Variants in MCF2L observed in about 807,000 individuals in gnomAD.
MCF2L encodes guanine nucleotide exchange factor DBS.
In MCF2L, 97 loss-of-function variants were observed where a neutral mutation model predicts 153.4. That is an observed-to-expected ratio of 0.63 (90% CI 0.54 to 0.75). The LOEUF is 0.75. Among genes scored for constraint, MCF2L ranks in the 30% least tolerant of loss-of-function variants. MCF2L has a pLI of 0.00. For missense variants in MCF2L, 1,347 were observed against 1,495.2 expected (o/e 0.90, Z 1.64); for synonymous variants, 659 against 632.2 (o/e 1.04, Z -0.64).
chr13:113,096,705 G>T lies in MCF2L; in HGVS notation c.3292+52G>T. 1.9e-6 allele frequency: 3 copies of T among 1,554,666 alleles called. No homozygotes were observed. In the South Asian group the frequency reaches 3.5e-5, roughly 18 times the overall value. ...CCGTGACGCTGCCAAGGGCCCGGGCGAGGAAGCTGCCCCGTGTGTGCCCGG... is the reference window on the plus strand; with the variant it reads ...CCGTGACGCTGCCAAGGGCCCGGGCTAGGAAGCTGCCCCGTGTGTGCCCGG... On this transcript the variant is annotated intron_variant, in intron 29 of 29. Coordinates refer to ENST00000535094, the MANE Select transcript of MCF2L (RefSeq NM_001112732.3).
chr13:113,085,973 C>G, intron 20 of MCF2L, 151 bp from the exon 21 acceptor site: 1 of 773,300 alleles, frequency 1.3e-6, no homozygotes, highest in Non-Finnish European at 1.9e-6. Flanking sequence ...TCAGTCTGTC[C>G]CAGCTGCAGG....
chr13:113,007,465 G>A (rs1359428078), intron 1 of MCF2L, among the ~76,000 whole-genome samples: 1 of 152,172 alleles, frequency 6.6e-6, no homozygotes, highest in Non-Finnish European at 1.5e-5. Flanking sequence ...AGTGGGCCGT[G>A]GCCACCGTGA....
intron 3 of MCF2L, chr13:113,040,874 G>A (rs919083790): frequency 6.6e-6 from 1 of 152,234 alleles, no homozygotes; most frequent in South Asian, 2.1e-4. Context: ...CTGCCCACAT[G>A]GGTGGGGGAC....
At chr13:113,001,902 C>T (rs7986677) in intron 1 of MCF2L, 896,449 of 1,587,960 alleles carry the variant, frequency 0.56, 254,976 homozygotes, top group Non-Finnish European at 0.58. Flanking sequence ...CTGACTCGCA[C>T]TGGGCAGCAT....
chr13:112,964,071 C>T (rs947010423), intron 2 of MCF2L, among the ~76,000 whole-genome samples: 3 of 144,864 alleles, frequency 2.1e-5, no homozygotes, highest in Non-Finnish European at 4.5e-5. Context: ...AGACGGCGTC[C>T]ACTTGCAGGT....
intron 1 of MCF2L, among the ~76,000 whole-genome samples, chr13:113,004,452 C>A: frequency 6.6e-6 from 1 of 152,336 alleles, no homozygotes; most frequent in East Asian, 1.9e-4. Flanking sequence ...GCCCCCATGG[C>A]GCAGTGCTGG....
At position 113,014,854 on chromosome 13, in the gene MCF2L, C is replaced by T; in HGVS notation, c.163+8C>T. 6.2e-7 allele frequency: 1 copy of T among 1,613,620 alleles called. No individual in the cohort carries two copies. Among genetic ancestry groups the T allele is most frequent in the Admixed American group, 1.7e-5 (1 of 60,018 alleles). Reference sequence around the variant, plus strand: ...GCTTTGCTTACCTGTCCGGTGAGTTCCAGAAGCTGGGATGGGGTGGAGAGG... The same window carrying T: ...GCTTTGCTTACCTGTCCGGTGAGTTTCAGAAGCTGGGATGGGGTGGAGAGG... On this transcript the variant is annotated splice_region_variant and intron_variant, in intron 2 of 29. Coordinates refer to ENST00000535094, the MANE Select transcript of MCF2L (RefSeq NM_001112732.3).
chr13:113,049,736 C>T (rs2087084126), intron 4 of MCF2L, among the ~76,000 whole-genome samples: 1 of 152,238 alleles, frequency 6.6e-6, no homozygotes, highest in Non-Finnish European at 1.5e-5. Context: ...AGAGACTTGC[C>T]TCCAAGCGCT....
intron 2 of MCF2L, among the ~76,000 whole-genome samples, chr13:112,925,740 A>G (rs997697139): frequency 6.6e-6 from 1 of 152,148 alleles, no homozygotes; most frequent in Non-Finnish European, 1.5e-5. Context: ...GGGTACATAC[A>G]TACGTTTGAT....
Position 113,046,536 on chromosome 13 carries a change from G to A in MCF2L, c.369+1175G>A. 3 of 533,056 alleles carry A rather than the reference G, an allele frequency of 5.6e-6. No homozygotes were observed. The highest frequency in any genetic ancestry group is 4.2e-5 in the South Asian group (3 of 71,524). 33.0% of individuals were successfully genotyped at this position (533,056 alleles called of 1,614,324 possible). Reference sequence around the variant, plus strand: ...TGCTGGCTGGTGCGCCAAGGTTTGAGGTATACTGAAAAAAGTCATTCCTTT... The same window carrying A: ...TGCTGGCTGGTGCGCCAAGGTTTGAAGTATACTGAAAAAAGTCATTCCTTT... On this transcript the variant is annotated intron_variant, in intron 4 of 29. Transcript: ENST00000535094. The surrounding 1 kb of genome is among the most constrained non-coding windows in gnomAD (Gnocchi z 4.4).
At chr13:113,026,740 C>A (rs2085335456) in intron 3 of MCF2L, 2 of 598,016 alleles carry the variant, frequency 3.3e-6, no homozygotes, top group East Asian at 2.8e-5. Context: ...AAAGAACTGA[C>A]CCCAGAGGTA....
rs2085455817 is a variant in MCF2L, at chr13:113,028,670, G to A, written c.278+3912G>A. ...CACACTTAGATAATAAAAAGTGGAA[G>A]AGGCCTTTCTATCACCAAACGCTCT... On this transcript the variant is annotated intron_variant, in intron 3 of 29. Transcript: ENST00000535094. The surrounding 1 kb of genome is among the most constrained non-coding windows in gnomAD (Gnocchi z 5.4). Among the ~76,000 whole-genome samples, 1 of 152,252 alleles carries A rather than the reference G, an allele frequency of 6.6e-6. No homozygotes were observed. The highest frequency in any genetic ancestry group is 2.4e-5 in the African/African-American group (1 of 41,464).
At chr13:113,005,888 C>G (rs2083662793) in intron 1 of MCF2L, among the ~76,000 whole-genome samples, 1 of 152,204 alleles carries the variant, frequency 6.6e-6, no homozygotes, top group African/African-American at 2.4e-5. Flanking sequence ...GAAAAAATAG[C>G]CAGAAGCTGT....
At chr13:113,016,198 T>A (rs1261261597) in intron 2 of MCF2L, among the ~76,000 whole-genome samples, 1 of 152,202 alleles carries the variant, frequency 6.6e-6, no homozygotes, top group African/African-American at 2.4e-5. Flanking sequence ...AACTTTAAGA[T>A]CTTCCTTGGT....
chr13:113,084,884 C>T lies in MCF2L; in HGVS notation c.2062-8C>T, dbSNP rs373675829. ...ACTGCGTGATGCGGTGCCTGTCCCT[C>T]GGTGCAGATGGAAGATTTCCAGATC... On this transcript the variant is annotated splice_polypyrimidine_tract_variant and splice_region_variant and intron_variant, in intron 18 of 29. Transcript: ENST00000535094. The T allele has an allele frequency of 1.9e-5, 30 of 1,609,498 alleles. No individual in the cohort carries two copies. The African/African-American group carries it at 2.8e-4, about 15-fold the overall frequency.
Position 112,960,098 on chromosome 13 carries a change from C to G in MCF2L, c.170-54665C>G, listed in dbSNP as rs896253632. ...GGACGCCTGCCCTCAGGGGCTGTGT[C>G]TTTGTCTGTTTTCTGCTGCTATAAC... On this transcript the variant is annotated intron_variant, in intron 2 of 29. Transcript: ENST00000375608. This position sits in a 1 kb window ranked among gnomAD's most constrained non-coding sequence, Gnocchi z 4.2. Among the ~76,000 whole-genome samples the G allele has an allele frequency of 2.2e-4, 34 of 152,212 alleles. No individual in the cohort carries two copies. Among genetic ancestry groups the G allele is most frequent in the African/African-American group, 8.0e-4 (33 of 41,454 alleles).
At chr13:113,088,770 G>T in intron 25 of MCF2L, 142 bp downstream of exon 25, 1 of 819,362 alleles carries the variant, frequency 1.2e-6, no homozygotes, top group South Asian at 1.6e-5. Flanking sequence ...TTTATGTGCT[G>T]ACGGGTCCGT....
At chr13:113,011,328 A>C (rs2084082013) in intron 1 of MCF2L, among the ~76,000 whole-genome samples, 2 of 152,254 alleles carry the variant, frequency 1.3e-5, no homozygotes, top group Admixed American at 1.3e-4. Context: ...ATTTGATCTG[A>C]GGGACAATAT....
chr13:112,998,006 G>A (rs114116404), intron 1 of MCF2L, among the ~76,000 whole-genome samples: 3,152 of 151,102 alleles, frequency 0.021, 109 homozygotes, highest in African/African-American at 0.074. Flanking sequence ...TGTGCCCTGC[G>A]TGAGCCCATG....
Sources: gnomAD v4.1 joint callset for allele counts (sites outside exome capture counted in the v4.1 genomes callset) on GRCh38, gnomAD v4.1.1 for gene constraint, Gnocchi (gnomAD v3.1) non-coding constraint, MANE v1.5 for transcripts, NCBI Gene and HGNC (gene_info 2026-07-23, HGNC 2026-07-21) for gene names.